The following PDE6B variants were observed in gnomAD, a reference collection of about 807,000 sequenced individuals.
The protein encoded by PDE6B is rod cGMP-specific 3',5'-cyclic phosphodiesterase subunit beta.
PDE6B carries 106 observed loss-of-function variants against 109.0 expected under a neutral mutation model. That is an observed-to-expected ratio of 0.97 (90% CI 0.83 to 1.14). The LOEUF (loss-of-function observed/expected upper bound fraction) is 1.14. PDE6B is among the 50% of genes most tolerant of loss of function. PDE6B has a pLI of 0.00. For synonymous variants in PDE6B, 490 were observed against 471.3 expected, an observed-to-expected ratio of 1.04 and a Z score of -0.51; for missense variants, 1,193 against 1,155.6, an observed-to-expected ratio of 1.03 and a Z score of -0.47.
intron 3 of PDE6B, chr4:651,984 T>TGTGACTGGGGCCAGGGCGGCTCCACGACG: frequency 6.5e-6 from 1 of 153,788 alleles, no homozygotes. Flanking sequence ...GCTCCATGAC[T>TGTGACTGGGGCCAGGGCGGCTCCACGACG]GTGACTGCGG....
intron 1 of PDE6B, among the ~76,000 whole-genome samples, chr4:631,618 G>A (rs907911756): frequency 1.9e-4 from 29 of 151,634 alleles, no homozygotes; most frequent in African/African-American, 7.0e-4. Flanking sequence ...ACATTGTATG[G>A]ATTTGTGTTT....
At chr4:650,778 C>T (rs1735468766) in intron 3 of PDE6B, among the ~76,000 whole-genome samples, 2 of 152,110 alleles carry the variant, frequency 1.3e-5, no homozygotes, top group South Asian at 4.1e-4. Context: ...TTGGAAGAGC[C>T]ATTCCGGAGG....
At chr4:634,655 C>T in intron 1 of PDE6B, 22 bp from the exon 2 acceptor site, 2 of 1,606,070 alleles carry the variant, frequency 1.2e-6, no homozygotes, top group Non-Finnish European at 1.7e-6. Context: ...GCCTCTTTAG[C>T]CTCTTTCCTC....
At position 625,847 on chromosome 4, in the gene PDE6B, G is replaced by A. The variant is rs370187319; in HGVS notation, c.221G>A (p.Arg74His). 2.7e-5 allele frequency: 43 copies of A among 1,612,500 alleles called. No individual in the cohort carries two copies. The highest frequency in any genetic ancestry group is 1.6e-4 in the East Asian group (7 of 44,858). Residue 74 changes from arginine (R) to histidine (H), a missense_variant, in exon 1 of 22, where the codon CGC becomes CAC. Transcript: ENST00000496514. This position sits in a 1 kb window ranked among gnomAD's most constrained non-coding sequence, Gnocchi z 5.0. ...QDMQESINME[R>H]VVFKVLRRLC... ...ATGCAGGAGAGCATCAACATGGAGCGCGTGGTCTTCAAGGTCCTGCGGCGC... is the reference window on the plus strand; with the variant it reads ...ATGCAGGAGAGCATCAACATGGAGCACGTGGTCTTCAAGGTCCTGCGGCGC...
At chr4:654,747 ATGTAGCTGTG>A (rs1735997996) in intron 5 of PDE6B, 67 bp from the exon 6 acceptor site, 1 of 833,286 alleles carries the variant, frequency 1.2e-6, no homozygotes, top group Non-Finnish European at 2.1e-6. Flanking sequence ...GTGTAGCTGC[ATGTAGCTGTG>A]TGTGTGTGTG....
intron 3 of PDE6B, among the ~76,000 whole-genome samples, chr4:649,740 G>A (rs777369165): frequency 1.3e-5 from 2 of 152,210 alleles, no homozygotes; most frequent in Non-Finnish European, 2.9e-5. Flanking sequence ...CTATGGCCCA[G>A]GGCTCAGGGT....
At chr4:657,321 G>A in intron 9 of PDE6B, 30 bp from the exon 10 acceptor site, 2 of 1,612,204 alleles carry the variant, frequency 1.2e-6, no homozygotes, top group South Asian at 1.1e-5. Flanking sequence ...CGGGAGCGCT[G>A]AGCGCCAGTG....
intron 6 of PDE6B, 81 bp downstream of exon 6, chr4:654,969 C>A: frequency 1.2e-6 from 1 of 862,856 alleles, no homozygotes; most frequent in South Asian, 1.3e-5. Flanking sequence ...GGGCCGTCCT[C>A]CCAGGGCTTC....
Position 654,863 on chromosome 4 carries a change from G to C in PDE6B, c.967G>C (p.Gly323Arg). ...CAAAGTGATCGACTACGTCCTCCAC[G>C]GCAAGGAGGAGATCAAGGTCATTCC... ...FYKVIDYVLH[G>R]KEEIKVIPTP... The change falls in exon 6 of 22, where the codon GGC becomes CGC. Residue 323 changes from glycine (G) to arginine (R), a missense_variant. Transcript: ENST00000496514. The C allele has an allele frequency of 6.4e-7, 1 of 1,567,072 alleles. No individual in the cohort carries two copies. Among genetic ancestry groups the C allele is most frequent in the Middle Eastern group, 1.7e-4 (1 of 5,972 alleles).
In PDE6B at chr4:625,737, G is replaced by A; in HGVS notation, c.111G>A (p.Glu37=). ...CTGAGAATGTGGCCGCGGCCTGCGAGGACGGGTGCCCGCCGGACTGCGACA... is the reference window on the plus strand; with the variant it reads ...CTGAGAATGTGGCCGCGGCCTGCGAAGACGGGTGCCCGCCGGACTGCGACA... The part of the protein sequence containing the change: ...LSPENVAAAC[E]DGCPPDCDSL... Residue 37 remains glutamate, a synonymous_variant, in exon 1 of 22, where the codon GAG becomes GAA. Transcript: ENST00000496514. The surrounding 1 kb of genome is among the most constrained non-coding windows in gnomAD (Gnocchi z 5.0). 1 of 1,613,494 alleles carries A rather than the reference G, an allele frequency of 6.2e-7. No individual in the cohort carries two copies. The highest frequency in any genetic ancestry group is 8.5e-7 in the Non-Finnish European group (1 of 1,179,926).
At chr4:664,368 G>A in intron 17 of PDE6B, 147 bp downstream of exon 17, 3 of 694,060 alleles carry the variant, frequency 4.3e-6, no homozygotes, top group Non-Finnish European at 8.0e-6. Context: ...TGAAACAAAT[G>A]CGCCGTCCTT....
intron 5 of PDE6B, 97 bp from the exon 6 acceptor site, chr4:654,727 G>T (rs1214709448): frequency 1.2e-6 from 1 of 800,052 alleles, no homozygotes; most frequent in Non-Finnish European, 2.3e-6. Flanking sequence ...GTGTGCATGC[G>T]TGTGGCTGTG....
intron 6 of PDE6B, 97 bp downstream of exon 6, chr4:654,985 G>T: frequency 1.2e-6 from 1 of 825,822 alleles, no homozygotes; most frequent in East Asian, 2.4e-5. Flanking sequence ...GCTTCCCACG[G>T]TGCAGTCAGC....
At position 633,915 on chromosome 4, in the gene PDE6B, A is replaced by G. The variant is rs956411125; in HGVS notation, c.469-762A>G. 2.0e-5 allele frequency among the ~76,000 whole-genome samples: 3 copies of G among 151,938 alleles called. No homozygotes were observed. Among genetic ancestry groups the G allele is most frequent in the Admixed American group, 6.5e-5 (1 of 15,268 alleles). ...CTGTGTCTGAGCTGAGGCAGAGCTC[A>G]GCTGACCTGTTCCTTGAGGGGCCGG... On this transcript the variant is annotated intron_variant, in intron 1 of 21. Coordinates refer to ENST00000496514, the MANE Select transcript of PDE6B (RefSeq NM_000283.4). The surrounding 1 kb of genome is among the most constrained non-coding windows in gnomAD (Gnocchi z 4.5).
rs535325638 is a variant in PDE6B, at chr4:655,396, G to A, written c.992+508G>A. 87 of 285,356 alleles carry A rather than the reference G, an allele frequency of 3.0e-4. 1 individual carries two copies. The highest frequency in any genetic ancestry group is 1.8e-3 in the African/African-American group (83 of 45,588). The allele number at this position is 285,356 out of a possible 1,614,324, so 17.7% of individuals were successfully genotyped here. The stretch of plus-strand genomic sequence containing the variant: ...GGCCCTGTGATCCCATAAGCCTATT[G>A]GGACCCCATCCCCAGGCCCCAAGCA... On this transcript the variant is annotated intron_variant, in intron 6 of 21. Transcript: ENST00000496514.
At chr4:656,205 C>T (rs774091597) in intron 7 of PDE6B, 40 bp from the exon 8 acceptor site, 19 of 1,420,850 alleles carry the variant, frequency 1.3e-5, no homozygotes, top group African/African-American at 7.0e-5. Flanking sequence ...ACAGACCTTC[C>T]GCTGTTTTGG....
At position 667,914 on chromosome 4, in the gene PDE6B, G is replaced by T. The variant is rs760105867; in HGVS notation, c.2411G>T (p.Arg804Met). ...ATGTTCGACCGACTGCAGAACAATAGGAAAGAGTGGAAGGCGCTGGCTGAT... is the reference window on the plus strand; with the variant it reads ...ATGTTCGACCGACTGCAGAACAATATGAAAGAGTGGAAGGCGCTGGCTGAT... ...LPMFDRLQNN[R>M]KEWKALADEY... is the part of the protein sequence containing the mutation. Residue 804 changes from arginine (R) to methionine (M), a missense_variant, in exon 21 of 22, where the codon AGG becomes ATG. Transcript: ENST00000496514. 1 of 1,613,616 alleles carries T rather than the reference G, an allele frequency of 6.2e-7. No homozygotes were observed. The highest frequency in any genetic ancestry group is 2.2e-5 in the East Asian group (1 of 44,878).
In PDE6B at chr4:663,292, G is replaced by T. The variant is rs1226333255; in HGVS notation, c.1920+105G>T. 2.6e-6 allele frequency: 2 copies of T among 761,678 alleles called. No individual in the cohort carries two copies. Among genetic ancestry groups the T allele is most frequent in the East Asian group, 5.1e-5 (2 of 39,272 alleles). 47.2% of individuals were successfully genotyped at this position (761,678 alleles called of 1,614,324 possible). On this transcript the variant is annotated intron_variant, in intron 15 of 21. Coordinates refer to ENST00000496514, the MANE Select transcript of PDE6B (RefSeq NM_000283.4). This position sits in a 1 kb window ranked among gnomAD's most constrained non-coding sequence, Gnocchi z 4.0. ...AGCAGGGTTCTGATGCAGCGGGTGAGCACTGGGTGTGTGAGCACTGGGGGA... is the reference window on the plus strand; with the variant it reads ...AGCAGGGTTCTGATGCAGCGGGTGATCACTGGGTGTGTGAGCACTGGGGGA...
rs76455781 is a variant in PDE6B at position 656,404 on chromosome 4, G to T, written c.1107+112G>T. 0.044 allele frequency: 34,997 copies of T among 799,530 alleles called. 2,306 individuals carry two copies. The highest frequency in any genetic ancestry group is 0.27 in the East Asian group (11,193 of 40,922). 49.5% of individuals were successfully genotyped at this position (799,530 alleles called of 1,614,324 possible). Reference sequence around the variant, plus strand: ...CCACTTAAAAAACAACTTCAGCCAGGCATGGTGGCTCACGCCTGTAATCCC... The same window carrying T: ...CCACTTAAAAAACAACTTCAGCCAGTCATGGTGGCTCACGCCTGTAATCCC... On this transcript the variant is annotated intron_variant, in intron 8 of 21. Coordinates refer to ENST00000496514, the MANE Select transcript of PDE6B (RefSeq NM_000283.4).
Sources: allele counts gnomAD v4.1 joint callset (sites outside exome capture counted in the v4.1 genomes callset), GRCh38; gene constraint gnomAD v4.1.1; non-coding constraint Gnocchi (gnomAD v3.1); transcripts MANE v1.5; gene names NCBI Gene and HGNC (gene_info 2026-07-23, HGNC 2026-07-21).